Variants in NDUFA10 observed in about 807,000 individuals in gnomAD.
The protein encoded by NDUFA10 is NADH dehydrogenase [ubiquinone] 1 alpha subcomplex subunit 10, mitochondrial.
NDUFA10 carries 40 observed loss-of-function variants against 47.8 expected under a neutral mutation model. That is an observed-to-expected ratio of 0.84 (90% CI 0.65 to 1.09). The LOEUF (loss-of-function observed/expected upper bound fraction) is 1.09, where lower values mean the gene tolerates loss of function less well. NDUFA10 is among the 50% of genes least tolerant of loss of function. The pLI is 0.00. For missense variants in NDUFA10, 413 were observed against 451.1 expected (o/e 0.92, Z 0.76); for synonymous variants, 183 against 172.2 (o/e 1.06, Z -0.49).
At chr2:239,896,790 T>A (rs954756918) in intron 4 of NDUFA10, among the ~76,000 whole-genome samples, 2 of 152,198 alleles carry the variant, frequency 1.3e-5, no homozygotes, top group African/African-American at 4.8e-5. Context: ...CATCTGCAAG[T>A]CAAACAACAA....
intron 4 of NDUFA10, among the ~76,000 whole-genome samples, chr2:239,938,701 C>T (rs1694309738): frequency 6.6e-6 from 1 of 152,070 alleles, no homozygotes; most frequent in Non-Finnish European, 1.5e-5. Context: ...CAGATGCCGG[C>T]AGAGGGGACC....
At chr2:239,923,493 C>A (rs1694021492) in intron 4 of NDUFA10, among the ~76,000 whole-genome samples, 1 of 152,038 alleles carries the variant, frequency 6.6e-6, no homozygotes, top group Non-Finnish European at 1.5e-5. Context: ...TCTCAAAGCA[C>A]TTGAAAATTA....
chr2:239,919,497 G>A (rs538440331), intron 4 of NDUFA10, among the ~76,000 whole-genome samples: 5 of 150,988 alleles, frequency 3.3e-5, no homozygotes, highest in East Asian at 1.9e-4. Flanking sequence ...TTCCTAACAC[G>A]CAGTGGGCAT....
chr2:239,956,071 G>C (rs1694646609), downstream of NDUFA10, among the ~76,000 whole-genome samples: 1 of 152,116 alleles, frequency 6.6e-6, no homozygotes, highest in Admixed American at 6.5e-5. Context: ...GGGAGTTTCT[G>C]AATGGAAATG....
intron 8 of NDUFA10, among the ~76,000 whole-genome samples, chr2:239,999,893 G>A (rs1308726698): frequency 6.6e-6 from 1 of 152,180 alleles, no homozygotes; most frequent in African/African-American, 2.4e-5. Context: ...ACAGCATGGC[G>A]TTTCCATCCA....
chr2:239,901,885 G>A (rs772521844), intron 4 of NDUFA10, among the ~76,000 whole-genome samples: 1 of 152,120 alleles, frequency 6.6e-6, no homozygotes, highest in Non-Finnish European at 1.5e-5. Flanking sequence ...AGATGTAGTG[G>A]AAATGACAAG....
intron 4 of NDUFA10, among the ~76,000 whole-genome samples, chr2:239,916,591 G>A (rs1051519030): frequency 2.6e-5 from 4 of 152,344 alleles, no homozygotes; most frequent in Admixed American, 6.5e-5. Flanking sequence ...AAATACCAAC[G>A]CTGCACAAGT....
intron 4 of NDUFA10, among the ~76,000 whole-genome samples, chr2:239,914,448 C>T (rs765463929): frequency 6.2e-5 from 9 of 145,320 alleles, no homozygotes; most frequent in Non-Finnish European, 1.2e-4. Context: ...CAGAGATACA[C>T]ACACAAACAT....
At chr2:239,964,316 G>A (rs570665994) in intron 9 of NDUFA10, among the ~76,000 whole-genome samples, 3 of 152,258 alleles carry the variant, frequency 2.0e-5, no homozygotes, top group African/African-American at 4.8e-5. Context: ...CAGTAATGTG[G>A]GGCCAGGTGC....
chr2:239,959,313 T>C lies in NDUFA10; in HGVS notation c.*1805A>G. 1.0e-6 allele frequency: 1 copy of C among 985,430 alleles called. No individual in the cohort carries two copies. Among genetic ancestry groups the C allele is most frequent in the African/African-American group, 1.7e-5 (1 of 57,354 alleles). 61.0% of individuals were successfully genotyped at this position (985,430 alleles called of 1,614,324 possible). ...TCCTGACCACAGGGCAGACCTGCCC[T>C]CTCACTGCTGAGGACACTACCCGTG... On this transcript the variant is annotated 3_prime_UTR_variant, in exon 10 of 10. Coordinates refer to ENST00000252711, the MANE Select transcript of NDUFA10 (RefSeq NM_004544.4).
chr2:239,976,937 G>A (rs1026163207), intron 9 of NDUFA10, among the ~76,000 whole-genome samples: 1 of 152,124 alleles, frequency 6.6e-6, no homozygotes, highest in African/African-American at 2.4e-5. Context: ...CAGCAGCTGT[G>A]CACCTCTTAG....
intron 9 of NDUFA10, among the ~76,000 whole-genome samples, chr2:239,975,438 C>T (rs1695481166): frequency 6.6e-6 from 1 of 152,244 alleles, no homozygotes. Flanking sequence ...CTGCAAGAAG[C>T]AGGGAAATGG....
chr2:239,983,514 TA>T, intron 9 of NDUFA10: 1 of 1,598,218 alleles, frequency 6.3e-7, no homozygotes, highest in Non-Finnish European at 8.5e-7. Flanking sequence ...AGACAATTCT[TA>T]CTCAACAAAG....
intron 9 of NDUFA10, among the ~76,000 whole-genome samples, chr2:239,988,995 ACT>A (rs971923627): frequency 1.2e-4 from 17 of 141,678 alleles, no homozygotes; most frequent in African/African-American, 3.7e-4. Context: ...AACAGCACAC[ACT>A]CACACACGTG....
chr2:239,939,293 C>G (rs1297380622), intron 4 of NDUFA10, among the ~76,000 whole-genome samples: 1 of 152,182 alleles, frequency 6.6e-6, no homozygotes, highest in Non-Finnish European at 1.5e-5. Flanking sequence ...GTGACTTATT[C>G]AAACCAGCCC....
At chr2:239,977,236 T>A (rs2106420617) in intron 9 of NDUFA10, among the ~76,000 whole-genome samples, 1 of 152,292 alleles carries the variant, frequency 6.6e-6, no homozygotes, top group Non-Finnish European at 1.5e-5. Context: ...CTCGTGTTGT[T>A]CAAAGTCACC....
rs1336322655 is a variant in NDUFA10 at position 239,945,881 on chromosome 2, G to A, written c.294+44193C>T. 6.6e-6 allele frequency among the ~76,000 whole-genome samples: 1 copy of A among 152,172 alleles called. No homozygotes were observed. Among genetic ancestry groups the A allele is most frequent in the African/African-American group, 2.4e-5 (1 of 41,436 alleles). ...ACTGCAAGCCAGAAGCACCCTGTGTGCAACCCAGGTGCCTGGAGCAGGAGG... is the reference window on the plus strand; with the variant it reads ...ACTGCAAGCCAGAAGCACCCTGTGTACAACCCAGGTGCCTGGAGCAGGAGG... On this transcript the variant is annotated intron_variant, in intron 4 of 5. Transcript: ENST00000419408. This position sits in a 1 kb window ranked among gnomAD's most constrained non-coding sequence, Gnocchi z 4.6.
rs1182047074 is a variant in NDUFA10, at chr2:239,958,404, C to T, written c.*2714G>A. 6.6e-6 allele frequency: 1 copy of T among 152,214 alleles called. No individual in the cohort carries two copies. Among genetic ancestry groups the T allele is most frequent in the Non-Finnish European group, 1.5e-5 (1 of 68,040 alleles). 9.4% of individuals were successfully genotyped at this position (152,214 alleles called of 1,614,324 possible). A position where few individuals can be genotyped will look rare whatever the true frequency, so the allele number is the denominator to read the frequency against. ...ATTAGCCAAAAAATGGGACAAATGC[C>T]AAACAAGACAAGAGCTTCTTCCACT... On this transcript the variant is annotated 3_prime_UTR_variant, in exon 10 of 10. Coordinates refer to ENST00000252711, the MANE Select transcript of NDUFA10 (RefSeq NM_004544.4).
intron 4 of NDUFA10, among the ~76,000 whole-genome samples, chr2:239,936,120 C>T (rs1173022171): frequency 1.3e-5 from 2 of 152,204 alleles, no homozygotes; most frequent in East Asian, 3.9e-4. Flanking sequence ...TTCTCCTGTT[C>T]AAGAGCACTC....
Sources: gnomAD v4.1 joint callset for allele counts (sites outside exome capture counted in the v4.1 genomes callset) on GRCh38, gnomAD v4.1.1 for gene constraint, Gnocchi (gnomAD v3.1) non-coding constraint, MANE v1.5 for transcripts, NCBI Gene and HGNC (gene_info 2026-07-23, HGNC 2026-07-21) for gene names.